PTPRM: variants seen among roughly 807,000 people sequenced by gnomAD.
The protein encoded by PTPRM is protein tyrosine phosphatase receptor type M.
In PTPRM, 47 loss-of-function variants were observed where a neutral mutation model predicts 186.7. That is an observed-to-expected ratio of 0.25 (90% CI 0.20 to 0.32). The LOEUF is 0.32. Among genes scored for constraint, PTPRM ranks in the 10% least tolerant of loss-of-function variants. PTPRM has a pLI of 1.00. For missense variants in PTPRM, 1,494 were observed against 1,865.0 expected (o/e 0.80, Z 3.66); for synonymous variants, 668 against 674.9 (o/e 0.99, Z 0.16).
intron 14 of PTPRM, among the ~76,000 whole-genome samples, chr18:8,181,108 C>T (rs1417927573): frequency 6.6e-6 from 1 of 152,210 alleles, no homozygotes; most frequent in Non-Finnish European, 1.5e-5. Flanking sequence ...TAGTTAACTA[C>T]ATGTCCGACA....
intron 22 of PTPRM, among the ~76,000 whole-genome samples, chr18:8,338,938 A>G (rs1333693025): frequency 6.6e-6 from 1 of 152,138 alleles, no homozygotes; most frequent in Admixed American, 6.5e-5. Context: ...AGGTTTGAAA[A>G]TGATCATTTT....
intron 2 of PTPRM, among the ~76,000 whole-genome samples, chr18:7,798,090 G>A (rs2043761340): frequency 6.6e-6 from 1 of 152,156 alleles, no homozygotes; most frequent in South Asian, 2.1e-4. Flanking sequence ...CCACTTGAGT[G>A]ACAGAGATGA....
At chr18:8,002,269 A>G (rs2083919071) in intron 7 of PTPRM, among the ~76,000 whole-genome samples, 1 of 152,184 alleles carries the variant, frequency 6.6e-6, no homozygotes, top group Non-Finnish European at 1.5e-5. Context: ...CCTTGATAAC[A>G]TTTAGAAGCA....
intron 2 of PTPRM, among the ~76,000 whole-genome samples, chr18:7,830,277 A>T (rs1205015583): frequency 6.6e-6 from 1 of 152,084 alleles, no homozygotes; most frequent in African/African-American, 2.4e-5. Flanking sequence ...TCAGAGCCTC[A>T]GTTTCCCCCA....
chr18:7,820,883 C>T (rs888024462), intron 2 of PTPRM, among the ~76,000 whole-genome samples: 5 of 152,140 alleles, frequency 3.3e-5, no homozygotes, highest in Non-Finnish European at 5.9e-5. Flanking sequence ...GAGGGAAGTG[C>T]GGCATGGAAA....
At chr18:8,153,650 A>G (rs553550766) in intron 14 of PTPRM, among the ~76,000 whole-genome samples, 53 of 152,358 alleles carry the variant, frequency 3.5e-4, no homozygotes, top group African/African-American at 1.2e-3. Context: ...ATCATATTCC[A>G]TAGAAATTCT....
rs554740641 is a variant in PTPRM at position 7,857,155 on chromosome 18, A to G, written c.197-30951A>G. 1.8e-3 allele frequency among the ~76,000 whole-genome samples: 277 copies of G among 152,164 alleles called. 2 individuals carry two copies. Among genetic ancestry groups the G allele is most frequent in the African/African-American group, 6.4e-3 (264 of 41,506 alleles). ...AAATCAGTAGATGGTCTCTGAGCTG[A>G]GAAGTGGTGCAGAGGGGCACATGAC... is the stretch of plus-strand genomic sequence containing the variant. On this transcript the variant is annotated intron_variant, in intron 2 of 32. Transcript: ENST00000580170.
chr18:8,348,037 C>T (rs965123944), intron 23 of PTPRM, among the ~76,000 whole-genome samples: 1 of 152,214 alleles, frequency 6.6e-6, no homozygotes, highest in Admixed American at 6.5e-5. Context: ...GTTAATCCTG[C>T]ACATTTGTTT....
intron 1 of PTPRM, among the ~76,000 whole-genome samples, chr18:7,646,906 A>AT: frequency 6.6e-6 from 1 of 151,678 alleles, no homozygotes; most frequent in Admixed American, 6.6e-5. Flanking sequence ...AGGTCTCTGT[A>AT]TTTTTAGGGG....
Position 8,315,616 on chromosome 18 carries a change from G to A in PTPRM, c.2919+759G>A, listed in dbSNP as rs192905438. ...CAGATTTCTGCTCCCTTGTGGTTCC[G>A]AAGGCATACTCTGTGCTTGGCCTTC... On this transcript the variant is annotated intron_variant, in intron 21 of 32. Coordinates refer to ENST00000580170, the MANE Select transcript of PTPRM (RefSeq NM_001105244.2). Among the ~76,000 whole-genome samples, 116 of 152,272 alleles carry A rather than the reference G, an allele frequency of 7.6e-4. 1 individual carries two copies. Among genetic ancestry groups the A allele is most frequent in the African/African-American group, 2.5e-3 (105 of 41,562 alleles).
intron 7 of PTPRM, among the ~76,000 whole-genome samples, chr18:8,038,261 A>G (rs1175768941): frequency 2.0e-5 from 3 of 151,752 alleles, no homozygotes; most frequent in East Asian, 3.9e-4. Context: ...TATTAATCAT[A>G]TTTTCATTGG....
chr18:8,165,859 T>C lies in PTPRM; in HGVS notation c.2300+22080T>C, dbSNP rs2093315827. On this transcript the variant is annotated intron_variant, in intron 14 of 32. Coordinates refer to ENST00000580170, the MANE Select transcript of PTPRM (RefSeq NM_001105244.2). ...GCAGAATTGTGCAGTTCCCCCCTTA[T>C]GGGCTTGATTTTTTTTAAATGTAAG... is the stretch of plus-strand genomic sequence containing the variant. 2.0e-5 allele frequency among the ~76,000 whole-genome samples: 3 copies of C among 152,174 alleles called. No individual in the cohort carries two copies. In the South Asian group the frequency reaches 6.2e-4, roughly 32 times the overall value.
intron 19 of PTPRM, among the ~76,000 whole-genome samples, chr18:8,291,044 C>T (rs2147840052): frequency 6.6e-6 from 1 of 152,264 alleles, no homozygotes; most frequent in East Asian, 1.9e-4. Context: ...TCATTGCCTG[C>T]CTCACACACC....
rs375562930 is a variant in PTPRM at position 8,343,374 on chromosome 18, G to T, written c.2957-49G>T. On this transcript the variant is annotated intron_variant, in intron 22 of 32. Coordinates refer to ENST00000580170, the MANE Select transcript of PTPRM (RefSeq NM_001105244.2). ...ATTTGTAAGCCCCGGAAATTTTCCAGTTGAAACTTACAACAAAAACAAAAA... is the reference window on the plus strand; with the variant it reads ...ATTTGTAAGCCCCGGAAATTTTCCATTTGAAACTTACAACAAAAACAAAAA... 25 of 1,567,270 alleles carry T rather than the reference G, an allele frequency of 1.6e-5. 2 individuals carry two copies. The highest frequency in any genetic ancestry group is 1.5e-4 in the Admixed American group (9 of 58,220).
At chr18:7,648,814 CTGTTATCCAGATTCTGCAGA>C (rs370854308) in intron 1 of PTPRM, among the ~76,000 whole-genome samples, 99 of 152,294 alleles carry the variant, frequency 6.5e-4, no homozygotes, top group African/African-American at 2.3e-3. Flanking sequence ...GATGCAGAAT[CTGTTATCCAGATTCTGCAGA>C]TGCAGCCTGT....
At chr18:7,869,337 G>A (rs954575803) in intron 2 of PTPRM, among the ~76,000 whole-genome samples, 1 of 152,158 alleles carries the variant, frequency 6.6e-6, no homozygotes, top group Non-Finnish European at 1.5e-5. Flanking sequence ...CAGGCACCGG[G>A]GGGAATCTCC....
intron 1 of PTPRM, among the ~76,000 whole-genome samples, chr18:7,709,763 A>G (rs149414988): frequency 5.9e-5 from 9 of 152,294 alleles, no homozygotes; most frequent in Admixed American, 4.6e-4. Context: ...ATTCAAGGCT[A>G]CTATGAATAC....
chr18:8,392,029 A>C (rs1348690766), intron 31 of PTPRM, among the ~76,000 whole-genome samples: 1 of 152,210 alleles, frequency 6.6e-6, no homozygotes, highest in Non-Finnish European at 1.5e-5. Context: ...TCTCTACAGG[A>C]CACAGATGAA....
intron 14 of PTPRM, among the ~76,000 whole-genome samples, chr18:8,216,190 C>T (rs1601282106): frequency 6.6e-6 from 1 of 152,126 alleles, no homozygotes; most frequent in East Asian, 1.9e-4. Context: ...CCGGTTCTCT[C>T]TCTCTCTTTT....
Sources: gnomAD v4.1 joint callset for allele counts (sites outside exome capture counted in the v4.1 genomes callset) on GRCh38, gnomAD v4.1.1 for gene constraint, MANE v1.5 for transcripts, NCBI Gene and HGNC (gene_info 2026-07-23, HGNC 2026-07-21) for gene names.